IYD: variants seen among roughly 807,000 people sequenced by gnomAD.
The protein encoded by IYD is iodotyrosine deiodinase.
IYD carries 25 observed loss-of-function variants against 28.4 expected under a neutral mutation model. The observed-to-expected ratio is 0.88, with a 90% confidence interval of 0.64 to 1.23. IYD has a LOEUF of 1.23. Ranked by LOEUF, IYD falls within the 50% of genes most tolerant of loss-of-function variation. IYD has a pLI of 0.00. For missense variants in IYD, 352 were observed against 357.9 expected (o/e 0.98, Z 0.13); for synonymous variants, 140 against 130.8 (o/e 1.07, Z -0.48).
chr6:150,393,811 C>T (rs1423797449), intron 3 of IYD, among the ~76,000 whole-genome samples: 1 of 152,238 alleles, frequency 6.6e-6, no homozygotes, highest in African/African-American at 2.4e-5. Flanking sequence ...TGCCTTCTCC[C>T]TTGCTGAATT....
chr6:150,382,215 C>A (rs949430188), intron 1 of IYD, among the ~76,000 whole-genome samples: 1 of 152,204 alleles, frequency 6.6e-6, no homozygotes, highest in African/African-American at 2.4e-5. Flanking sequence ...ATGGCCTAAT[C>A]TGAGACAACT....
intron 2 of IYD, among the ~76,000 whole-genome samples, chr6:150,391,514 T>C (rs1468852823): frequency 6.6e-6 from 1 of 152,208 alleles, no homozygotes; most frequent in Non-Finnish European, 1.5e-5. Context: ...ATGGTGCAGT[T>C]ACTTGGGGAC....
intron 1 of IYD, among the ~76,000 whole-genome samples, chr6:150,378,453 G>A (rs1777530276): frequency 6.6e-6 from 1 of 152,020 alleles, no homozygotes; most frequent in African/African-American, 2.4e-5. Flanking sequence ...CCTTGCAATA[G>A]TTTACTGAGA....
At chr6:150,386,305 T>C (rs940223883) in intron 1 of IYD, among the ~76,000 whole-genome samples, 1 of 152,148 alleles carries the variant, frequency 6.6e-6, no homozygotes, top group Non-Finnish European at 1.5e-5. Context: ...TTTTTCAATA[T>C]GTAATAATTT....
chr6:150,379,088 T>C (rs1051274006), intron 1 of IYD, among the ~76,000 whole-genome samples: 5 of 152,162 alleles, frequency 3.3e-5, no homozygotes, highest in African/African-American at 1.2e-4. Context: ...CTCCTGTTCC[T>C]CCTTCCTGCC....
intron 2 of IYD, among the ~76,000 whole-genome samples, chr6:150,391,501 G>A (rs1003327448): frequency 2.0e-5 from 3 of 152,114 alleles, no homozygotes; most frequent in Non-Finnish European, 2.9e-5. Context: ...TTCCTTAGTA[G>A]GCATGGTGCA....
intron 1 of IYD, among the ~76,000 whole-genome samples, chr6:150,389,008 T>C (rs1375086394): frequency 6.6e-6 from 1 of 152,110 alleles, no homozygotes; most frequent in Non-Finnish European, 1.5e-5. Flanking sequence ...GGACTTTTCT[T>C]CCTTTTTTTA....
chr6:150,378,897 T>C (rs1466763933), intron 1 of IYD, among the ~76,000 whole-genome samples: 2 of 152,182 alleles, frequency 1.3e-5, no homozygotes, highest in Non-Finnish European at 1.5e-5. Context: ...AACCCAAATG[T>C]CCAACAATGA....
chr6:150,388,663 CTT>C (rs1429532752), intron 1 of IYD, among the ~76,000 whole-genome samples: 3 of 75,430 alleles, frequency 4.0e-5, no homozygotes, highest in Non-Finnish European at 1.1e-4. Context: ...TTCTTTCTTT[CTT>C]TCTTTCTTTC....
chr6:150,394,888 G>T (rs1778253726), intron 4 of IYD, among the ~76,000 whole-genome samples: 1 of 152,180 alleles, frequency 6.6e-6, no homozygotes. Context: ...GAGTGCAGTG[G>T]CACCATCACA....
chr6:150,381,407 T>C (rs1205781693), intron 1 of IYD, among the ~76,000 whole-genome samples: 2 of 152,210 alleles, frequency 1.3e-5, no homozygotes, highest in Non-Finnish European at 2.9e-5. Context: ...AGTTGACTTA[T>C]TCCTGATTCC....
chr6:150,379,570 A>C (rs998471404), intron 1 of IYD, among the ~76,000 whole-genome samples: 1 of 152,216 alleles, frequency 6.6e-6, no homozygotes, highest in African/African-American at 2.4e-5. Flanking sequence ...GCATACATAC[A>C]TTTGCTGCTT....
intron 4 of IYD, among the ~76,000 whole-genome samples, chr6:150,394,683 G>A (rs1402772759): frequency 6.6e-6 from 1 of 152,210 alleles, no homozygotes; most frequent in African/African-American, 2.4e-5. Flanking sequence ...ATGGCATTAG[G>A]AAGAAGGTCA....
chr6:150,391,801 AG>A (rs1176318525), intron 2 of IYD, among the ~76,000 whole-genome samples: 1 of 152,054 alleles, frequency 6.6e-6, no homozygotes, highest in East Asian at 1.9e-4. Context: ...CTCTGCCTCC[AG>A]GGTTCAAACG....
intron 4 of IYD, chr6:150,395,604 T>C: frequency 6.8e-7 from 1 of 1,471,370 alleles, no homozygotes; most frequent in Non-Finnish European, 9.2e-7. Context: ...ACTTTGCCAT[T>C]GAGTTTGCTG....
chr6:150,391,752 G>A (rs887483925), intron 2 of IYD, among the ~76,000 whole-genome samples: 9 of 151,800 alleles, frequency 5.9e-5, no homozygotes, highest in African/African-American at 1.7e-4. Flanking sequence ...CTCGTCACCC[G>A]GGCTGGAGTG....
chr6:150,400,658 T>A lies in IYD; in HGVS notation c.*2421T>A, dbSNP rs1778482882. On this transcript the variant is annotated 3_prime_UTR_variant, in exon 5 of 5. Coordinates refer to ENST00000344419, the MANE Select transcript of IYD (RefSeq NM_203395.3). ...GAAGAATAAGAGGGGGACTGTCTTG[T>A]CCTTGCTACTCAAAGAGTGGTCCTG... 1 of 152,230 alleles carries A rather than the reference T, an allele frequency of 6.6e-6. No individual in the cohort carries two copies. The highest frequency in any genetic ancestry group is 2.4e-5 in the African/African-American group (1 of 41,464). The allele number at this position is 152,230 out of a possible 1,614,324, so 9.4% of individuals were successfully genotyped here.
intron 1 of IYD, among the ~76,000 whole-genome samples, chr6:150,379,968 G>A (rs915871900): frequency 6.6e-6 from 1 of 152,148 alleles, no homozygotes; most frequent in African/African-American, 2.4e-5. Context: ...GAATAATTTT[G>A]TATGGCTTTT....
rs1306915721 is a variant in IYD, at chr6:150,395,310, A to G, written c.687+1055A>G. 8.6e-6 allele frequency: 8 copies of G among 933,438 alleles called. No individual in the cohort carries two copies. The Admixed American group carries it at 1.1e-4, about 12-fold the overall frequency. 57.8% of individuals were successfully genotyped at this position (933,438 alleles called of 1,614,324 possible). ...TTTGAGAGACAATGGATTAAAAAAA[A>G]AAGAGAGCTTCTTCACTATCTCAAA... On this transcript the variant is annotated intron_variant, in intron 4 of 4. Transcript: ENST00000344419.
Sources: gnomAD v4.1 joint callset for allele counts (sites outside exome capture counted in the v4.1 genomes callset) on GRCh38, gnomAD v4.1.1 for gene constraint, MANE v1.5 for transcripts, NCBI Gene and HGNC (gene_info 2026-07-23, HGNC 2026-07-21) for gene names.